PCDHA5: variants seen among roughly 807,000 people sequenced by gnomAD.
PCDHA5 encodes protocadherin alpha-5.
PCDHA5 carries 43 observed loss-of-function variants against 61.6 expected under a neutral mutation model. The ratio of observed to expected loss-of-function variants is 0.70; its 90% CI spans 0.55 to 0.90. The LOEUF (loss-of-function observed/expected upper bound fraction) is 0.90. PCDHA5 is among the 40% of genes least tolerant of loss of function. The pLI is 0.00. For missense variants in PCDHA5, 1,298 were observed against 1,222.7 expected (o/e 1.06, Z -0.92); for synonymous variants, 627 against 543.9 (o/e 1.15, Z -2.13).
At position 140,823,348 on chromosome 5, in the gene PCDHA5, G is replaced by C. The variant is rs782629988; in HGVS notation, c.1573G>C (p.Glu525Gln). The C allele has an allele frequency of 6.2e-7, 1 of 1,612,340 alleles. No homozygotes were observed. Residue 525 changes from glutamate (E) to glutamine (Q), a missense_variant, in exon 1 of 4, where the codon GAG becomes CAG. By Grantham distance (29) the Glu-to-Gln change is conservative. Transcript: ENST00000529859. ...GTACGCGCTGCAGCCGCTGGACCAC[G>C]AGGAAGTGGAGCTGCTGCAGTTCCA... Reference protein sequence around the residue: ...KVYALQPLDHEEVELLQFQVS... With the variant: ...KVYALQPLDHQEVELLQFQVS...
chr5:140,884,418 T>C, intron 1 of PCDHA5: 2 of 1,613,974 alleles, frequency 1.2e-6, no homozygotes, highest in South Asian at 2.2e-5. Flanking sequence ...ACGTTGCTGC[T>C]GTATACTGCG....
chr5:140,884,628 G>A (rs2153405760), intron 1 of PCDHA5: 3 of 1,612,722 alleles, frequency 1.9e-6, no homozygotes, highest in Non-Finnish European at 2.5e-6. Context: ...GAGGGAACAG[G>A]CCAGAGGGAG....
chr5:140,969,613 T>C (rs2096347317), intron 1 of PCDHA5: 2 of 727,588 alleles, frequency 2.7e-6, no homozygotes, highest in African/African-American at 1.8e-5. Flanking sequence ...AAACACAGAT[T>C]TGTAGAGAAA....
In PCDHA5 at chr5:140,871,470, G is replaced by A. The variant is rs782433204; in HGVS notation, c.2352+47343G>A. ...AAGAGGAGGAAGGGGAAAGACAGGAGCCAGGGTCAAATCACCCCGGACAGG... is the reference window on the plus strand; with the variant it reads ...AAGAGGAGGAAGGGGAAAGACAGGAACCAGGGTCAAATCACCCCGGACAGG... On this transcript the variant is annotated intron_variant, in intron 1 of 3. Coordinates refer to ENST00000529859, the MANE Select transcript of PCDHA5 (RefSeq NM_018908.3). The A allele has an allele frequency of 3.1e-6, 5 of 1,601,030 alleles. No individual in the cohort carries two copies. In the South Asian group the frequency reaches 4.5e-5, roughly 14 times the overall value.
chr5:140,879,926 A>G (rs1214178444), intron 1 of PCDHA5, among the ~76,000 whole-genome samples: 7 of 152,170 alleles, frequency 4.6e-5, no homozygotes, highest in African/African-American at 1.4e-4. Flanking sequence ...TTACAAAGGT[A>G]CATGTGATTG....
Position 140,849,788 on chromosome 5 carries a change from C to T in PCDHA5, c.2352+25661C>T, listed in dbSNP as rs2150450289. The T allele has an allele frequency of 2.5e-6, 4 of 1,598,468 alleles. No homozygotes were observed. The South Asian group carries it at 4.4e-5, about 18-fold the overall frequency. ...TGGTGGTTACCGCGCGGGACGGGGGCTCGCCTTCACTGTGGGCCACGGCCA... is the reference window on the plus strand; with the variant it reads ...TGGTGGTTACCGCGCGGGACGGGGGTTCGCCTTCACTGTGGGCCACGGCCA... On this transcript the variant is annotated intron_variant, in intron 1 of 3. Coordinates refer to ENST00000529859, the MANE Select transcript of PCDHA5 (RefSeq NM_018908.3).
At position 141,011,472 on chromosome 5, in the gene PCDHA5, C is replaced by T. The variant is rs1347341869; in HGVS notation, c.*1535C>T. 40 of 153,652 alleles carry T rather than the reference C, an allele frequency of 2.6e-4. No individual in the cohort carries two copies. The highest frequency in any genetic ancestry group is 9.4e-4 in the African/African-American group (39 of 41,410). 9.5% of individuals were successfully genotyped at this position (153,652 alleles called of 1,614,324 possible). On this transcript the variant is annotated 3_prime_UTR_variant, in exon 4 of 4. Transcript: ENST00000529859. Reference sequence around the variant, plus strand: ...TAAGCTTTATTGTTGAATGTAATTCCATTATATTTCCTTTTGTACACCTGT... The same window carrying T: ...TAAGCTTTATTGTTGAATGTAATTCTATTATATTTCCTTTTGTACACCTGT...
intron 1 of PCDHA5, among the ~76,000 whole-genome samples, chr5:140,923,931 A>T (rs1216808903): frequency 2.6e-5 from 4 of 152,118 alleles, no homozygotes; most frequent in Non-Finnish European, 4.4e-5. Flanking sequence ...CTCTGTATGC[A>T]TTTTTCCTTT....
intron 2 of PCDHA5, among the ~76,000 whole-genome samples, chr5:140,982,084 A>G (rs2096965344): frequency 6.6e-6 from 1 of 152,266 alleles, no homozygotes; most frequent in East Asian, 1.9e-4. Flanking sequence ...TAGAGAACCT[A>G]GGAACAAGAG....
chr5:141,008,470 C>T (rs2098378498), intron 3 of PCDHA5, among the ~76,000 whole-genome samples: 1 of 152,156 alleles, frequency 6.6e-6, no homozygotes, highest in Non-Finnish European at 1.5e-5. Context: ...GCTCTGACTT[C>T]TACTCTTCTA....
intron 1 of PCDHA5, chr5:140,870,757 GT>G: frequency 6.2e-7 from 1 of 1,613,572 alleles, no homozygotes; most frequent in Non-Finnish European, 8.5e-7. Context: ...GACGCTGCAG[GT>G]GTTCGTGCTG....
chr5:140,955,452 G>C (rs921510611), intron 1 of PCDHA5, among the ~76,000 whole-genome samples: 3 of 152,024 alleles, frequency 2.0e-5, no homozygotes, highest in Non-Finnish European at 4.4e-5. Context: ...TTTTATAAGG[G>C]CTTTTTCCTT....
chr5:140,966,047 T>G (rs1463127286), intron 1 of PCDHA5, among the ~76,000 whole-genome samples: 1 of 152,214 alleles, frequency 6.6e-6, no homozygotes, highest in Admixed American at 6.5e-5. Flanking sequence ...CCATCGCCAG[T>G]AACCCCAGAG....
At chr5:140,831,922 C>T (rs186638851) in intron 1 of PCDHA5, among the ~76,000 whole-genome samples, 62 of 152,254 alleles carry the variant, frequency 4.1e-4, no homozygotes, top group Middle Eastern at 3.4e-3. Flanking sequence ...AAAAAATTTG[C>T]TACTAGTTTT....
At chr5:140,913,440 T>A (rs2076337142) in intron 1 of PCDHA5, among the ~76,000 whole-genome samples, 1 of 152,224 alleles carries the variant, frequency 6.6e-6, no homozygotes, top group Non-Finnish European at 1.5e-5. Context: ...GCCTCCTTTT[T>A]CAGCTCCGAT....
chr5:140,875,261 G>A lies in PCDHA5; in HGVS notation c.2352+51134G>A. ...CTTACATAATCAGTCACATGATGTC[G>A]CTCTACACTCAGAAGGTGAAACAGG... On this transcript the variant is annotated intron_variant, in intron 1 of 3. Transcript: ENST00000529859. 4.4e-6 allele frequency: 5 copies of A among 1,130,464 alleles called. No individual in the cohort carries two copies. In the South Asian group the frequency reaches 7.4e-5, roughly 17 times the overall value. 70.0% of individuals were successfully genotyped at this position (1,130,464 alleles called of 1,614,324 possible).
At chr5:140,959,499 C>T (rs2095491321) in intron 1 of PCDHA5, among the ~76,000 whole-genome samples, 1 of 151,982 alleles carries the variant, frequency 6.6e-6, no homozygotes. Flanking sequence ...ATGGATCAAA[C>T]TAAAAAATTT....
At chr5:140,887,692 A>G (rs886236141) in intron 1 of PCDHA5, among the ~76,000 whole-genome samples, 1 of 152,126 alleles carries the variant, frequency 6.6e-6, no homozygotes, top group Non-Finnish European at 1.5e-5. Flanking sequence ...ATTCAGGAAA[A>G]AATCAACCAT....
At position 140,856,129 on chromosome 5, in the gene PCDHA5, C is replaced by A. The variant is rs149039484; in HGVS notation, c.2352+32002C>A. Reference sequence around the variant, plus strand: ...TCCTCGCAGCCTGGGAGGTGGGGAGCGGCCAGCTCCACTACTCAGTCTACG... The same window carrying A: ...TCCTCGCAGCCTGGGAGGTGGGGAGAGGCCAGCTCCACTACTCAGTCTACG... On this transcript the variant is annotated intron_variant, in intron 1 of 3. Coordinates refer to ENST00000529859, the MANE Select transcript of PCDHA5 (RefSeq NM_018908.3). 3,312 of 1,598,096 alleles carry A rather than the reference C, an allele frequency of 2.1e-3. 297 individuals are homozygous for A. Among genetic ancestry groups the A allele is most frequent in the Non-Finnish European group, 2.6e-3 (3,056 of 1,167,792 alleles).
Sources: allele counts gnomAD v4.1 joint callset (sites outside exome capture counted in the v4.1 genomes callset), GRCh38; gene constraint gnomAD v4.1.1; transcripts MANE v1.5; gene names NCBI Gene and HGNC (gene_info 2026-07-23, HGNC 2026-07-21).